Variants in LARP4B observed in about 807,000 individuals in gnomAD.
LARP4B encodes the protein La ribonucleoprotein 4B.
LARP4B carries 12 observed loss-of-function variants against 89.8 expected under a neutral mutation model. That is an observed-to-expected ratio of 0.13 (90% CI 0.09 to 0.22). The LOEUF is 0.22. LARP4B is among the 10% of genes least tolerant of loss of function. The probability of loss-of-function intolerance (pLI) is 1.00; values close to 1 mark genes in which losing one functional copy is unlikely to be tolerated. For synonymous variants in LARP4B, 367 were observed against 363.3 expected (o/e 1.01, Z -0.12); for missense variants, 757 against 947.7 (o/e 0.80, Z 2.64).
intron 7 of LARP4B, among the ~76,000 whole-genome samples, chr10:837,619 T>C (rs1305805778): frequency 2.0e-5 from 3 of 152,112 alleles, no homozygotes; most frequent in Non-Finnish European, 4.4e-5. Context: ...ATCAAGGGAA[T>C]AAAACACACG....
intron 1 of LARP4B, among the ~76,000 whole-genome samples, chr10:905,228 AGTCTTAT>A (rs1836457502): frequency 5.3e-5 from 8 of 152,228 alleles, no homozygotes; most frequent in African/African-American, 1.7e-4. Context: ...CACTCCCTAA[AGTCTTAT>A]TATCTGAACC....
intron 1 of LARP4B, among the ~76,000 whole-genome samples, chr10:905,310 C>T (rs796523282): frequency 6.6e-6 from 1 of 152,160 alleles, no homozygotes; most frequent in Non-Finnish European, 1.5e-5. Flanking sequence ...ATAAAATACA[C>T]CTTATTTTAC....
chr10:966,171 G>A, the LARP4B span, among the ~76,000 whole-genome samples: 3 of 151,996 alleles, frequency 2.0e-5, no homozygotes, highest in African/African-American at 7.3e-5. Flanking sequence ...AAAGAAGAAG[G>A]AGGCTGGGTG....
the LARP4B span, chr10:972,579 G>A: frequency 8.3e-4 from 381 of 457,304 alleles, 6 homozygotes; most frequent in South Asian, 4.8e-3. Flanking sequence ...CAGCCACAGC[G>A]TCAGAGTTAG....
In LARP4B at chr10:815,956, C is replaced by T. The variant is rs12243577; in HGVS notation, c.1696-886G>A. On this transcript the variant is annotated intron_variant, in intron 15 of 17. Transcript: ENST00000316157. ...TTAAATTCAGGGTAGGGGCCGGGCA[C>T]GGTGGCTCACGCCTATAATCCCCGC... Among the ~76,000 whole-genome samples, 883 of 152,322 alleles carry T rather than the reference C, an allele frequency of 5.8e-3. 15 individuals are homozygous for T. Among genetic ancestry groups the T allele is most frequent in the African/African-American group, 0.02 (843 of 41,564 alleles).
intron 7 of LARP4B, among the ~76,000 whole-genome samples, chr10:841,881 CTTTTA>C (rs1437495151): frequency 2.0e-5 from 3 of 151,912 alleles, no homozygotes; most frequent in Non-Finnish European, 2.9e-5. Flanking sequence ...AAACATAAAA[CTTTTA>C]TTTTATATTT....
chr10:963,561 G>A, the LARP4B span, among the ~76,000 whole-genome samples: 1 of 152,172 alleles, frequency 6.6e-6, no homozygotes, highest in Admixed American at 6.6e-5. Context: ...ATAGAAAGAT[G>A]AATGGGTTAT....
chr10:829,976 A>G (rs1203771521), intron 9 of LARP4B, among the ~76,000 whole-genome samples: 1 of 152,210 alleles, frequency 6.6e-6, no homozygotes, highest in African/African-American at 2.4e-5. Flanking sequence ...AAGTATTAAC[A>G]GATGCCATAG....
At chr10:915,503 G>C (rs1467000633) in intron 1 of LARP4B, among the ~76,000 whole-genome samples, 1 of 152,110 alleles carries the variant, frequency 6.6e-6, no homozygotes, top group African/African-American at 2.4e-5. Context: ...TCAAAAAAGA[G>C]AAAAAGTTTT....
the LARP4B span, among the ~76,000 whole-genome samples, chr10:951,787 C>T: frequency 1.5e-5 from 2 of 130,840 alleles, no homozygotes; most frequent in East Asian, 2.0e-4. Flanking sequence ...ACCTTTAAAA[C>T]GAAGAAATCA....
chr10:931,126 C>A (rs534403452), intron 1 of LARP4B, among the ~76,000 whole-genome samples: 2 of 150,450 alleles, frequency 1.3e-5, no homozygotes, highest in South Asian at 2.1e-4. Flanking sequence ...CCTTCCCCTG[C>A]CCCGGCCTCG....
chr10:899,027 C>T (rs1412952047), intron 1 of LARP4B, among the ~76,000 whole-genome samples: 1 of 152,140 alleles, frequency 6.6e-6, no homozygotes, highest in Non-Finnish European at 1.5e-5. Flanking sequence ...TTCCTTCTTC[C>T]CTTTTACAGT....
intron 1 of LARP4B, among the ~76,000 whole-genome samples, chr10:910,343 T>C (rs1227153638): frequency 6.6e-6 from 1 of 152,184 alleles, no homozygotes; most frequent in African/African-American, 2.4e-5. Context: ...TATATTAATT[T>C]TGCCTCAGCT....
chr10:837,863 T>C (rs940146474), intron 7 of LARP4B, among the ~76,000 whole-genome samples: 1 of 152,050 alleles, frequency 6.6e-6, no homozygotes, highest in Non-Finnish European at 1.5e-5. Flanking sequence ...AAGCAAGATC[T>C]GTAACACGAA....
chr10:948,691 G>A, the LARP4B span, among the ~76,000 whole-genome samples: 5 of 152,234 alleles, frequency 3.3e-5, no homozygotes, highest in African/African-American at 1.2e-4. Context: ...CTCAGCCCTG[G>A]TAAGGCCTCC....
rs774141239 is a variant in LARP4B at position 863,788 on chromosome 10, G to A, written c.385C>T (p.Leu129=). The stretch of plus-strand genomic sequence containing the variant: ...AGAGAGTCATATTCTGAGGGACCCA[G>A]AGCGAGAGCGTTCATGTCTGCTGGG... ...SDPADMNALA[L]GPSEYDSLPE... Residue 129 remains leucine, a synonymous_variant, in exon 5 of 18, where the codon CTG becomes TTG. Coordinates refer to ENST00000316157, the MANE Select transcript of LARP4B (RefSeq NM_015155.3). 7.4e-6 allele frequency: 12 copies of A among 1,614,084 alleles called. No homozygotes were observed. Among genetic ancestry groups the A allele is most frequent in the Non-Finnish European group, 1.0e-5 (12 of 1,179,990 alleles).
intron 5 of LARP4B, among the ~76,000 whole-genome samples, chr10:856,803 T>C (rs1221640138): frequency 3.3e-5 from 5 of 152,208 alleles, no homozygotes; most frequent in African/African-American, 1.2e-4. Flanking sequence ...TCTGTTCTTC[T>C]TAACAAGGTC....
At chr10:943,727 G>A in the LARP4B span, among the ~76,000 whole-genome samples, 17 of 152,186 alleles carry the variant, frequency 1.1e-4, no homozygotes, top group African/African-American at 3.6e-4. Flanking sequence ...GAGCGGCGAG[G>A]GTGATGGAGT....
At chr10:901,365 T>G (rs1323188169) in intron 1 of LARP4B, among the ~76,000 whole-genome samples, 2 of 152,240 alleles carry the variant, frequency 1.3e-5, no homozygotes, top group Admixed American at 1.3e-4. Context: ...ATCTCACGGC[T>G]GCCAGCACCA....
Sources: allele counts gnomAD v4.1 joint callset (sites outside exome capture counted in the v4.1 genomes callset), GRCh38; gene constraint gnomAD v4.1.1; transcripts MANE v1.5; gene names NCBI Gene and HGNC (gene_info 2026-07-23, HGNC 2026-07-21).